Variants in SEPTIN9 observed in about 807,000 individuals in gnomAD.
The protein encoded by SEPTIN9 is septin 9.
A neutral mutation model predicts 56.6 loss-of-function variants in SEPTIN9; 13 were observed. The observed-to-expected ratio is 0.23, with a 90% CI of 0.15 to 0.37. The LOEUF is 0.37. Among genes scored for constraint, SEPTIN9 ranks in the 10% least tolerant of loss-of-function variants. The probability of loss-of-function intolerance (pLI) is 1.00; values close to 1 mark genes in which losing one functional copy is unlikely to be tolerated. For missense variants in SEPTIN9, 650 were observed against 823.1 expected, an observed-to-expected ratio of 0.79 and a Z score of 2.57; for synonymous variants, 332 against 334.1, an observed-to-expected ratio of 0.99 and a Z score of 0.07.
chr17:77,370,613 C>A (rs2034691284), intron 2 of SEPTIN9, among the ~76,000 whole-genome samples: 1 of 152,232 alleles, frequency 6.6e-6, no homozygotes, highest in African/African-American at 2.4e-5. Flanking sequence ...GTCTTGCCTT[C>A]TTTTGTGACC....
At chr17:77,311,228 C>G (rs533726526) in intron 2 of SEPTIN9, among the ~76,000 whole-genome samples, 4 of 148,870 alleles carry the variant, frequency 2.7e-5, no homozygotes, top group South Asian at 2.2e-4. Flanking sequence ...GGACCCCCCC[C>G]CCACCCCACC....
chr17:77,427,025 A>T (rs2144255544), intron 3 of SEPTIN9: 1 of 152,374 alleles, frequency 6.6e-6, no homozygotes, highest in South Asian at 2.1e-4. Flanking sequence ...AACTTAGCAG[A>T]CAGCTACAAG....
chr17:77,366,615 G>A (rs921706814), intron 2 of SEPTIN9, among the ~76,000 whole-genome samples: 2 of 152,170 alleles, frequency 1.3e-5, no homozygotes, highest in African/African-American at 4.8e-5. Flanking sequence ...TGTGTGTGCA[G>A]CCCCTGACCA....
rs546992695 is a variant in SEPTIN9, at chr17:77,457,151, G to A, written c.722-24993G>A. Among the ~76,000 whole-genome samples the A allele has an allele frequency of 3.9e-4, 59 of 152,286 alleles. No homozygotes were observed. The South Asian group carries it at 0.011, about 28-fold the overall frequency. Reference sequence around the variant, plus strand: ...CCCTGAAGCTCAGTGAGATGGGGACGGCTGCACAGGGCCCGGCACAGATGG... The same window carrying A: ...CCCTGAAGCTCAGTGAGATGGGGACAGCTGCACAGGGCCCGGCACAGATGG... On this transcript the variant is annotated intron_variant, in intron 3 of 11. Coordinates refer to ENST00000427177, the MANE Select transcript of SEPTIN9 (RefSeq NM_001113491.2).
At chr17:77,331,024 C>G (rs1469180479) in intron 2 of SEPTIN9, among the ~76,000 whole-genome samples, 1 of 152,170 alleles carries the variant, frequency 6.6e-6, no homozygotes, top group Non-Finnish European at 1.5e-5. Context: ...CTGCTGCTCA[C>G]AGAGGGATGG....
chr17:77,338,536 A>G (rs1455968423), intron 2 of SEPTIN9, among the ~76,000 whole-genome samples: 1 of 152,040 alleles, frequency 6.6e-6, no homozygotes, highest in Non-Finnish European at 1.5e-5. Context: ...CTCCTGCCTC[A>G]GCCTCCCGAG....
In SEPTIN9 at chr17:77,454,344, C is replaced by G. The variant is rs1312053457; in HGVS notation, c.722-27800C>G. 4 of 985,396 alleles carry G rather than the reference C, an allele frequency of 4.1e-6. No individual in the cohort carries two copies. In the East Asian group the frequency reaches 4.5e-4, roughly 112 times the overall value. The allele number at this position is 985,396 out of a possible 1,614,324, so 61.0% of individuals were successfully genotyped here. ...CGAGCTTTGATTTGTTTATTGAGTGCCAGCCCGGTTCCCGGACAGGTAGGG... is the reference window on the plus strand; with the variant it reads ...CGAGCTTTGATTTGTTTATTGAGTGGCAGCCCGGTTCCCGGACAGGTAGGG... On this transcript the variant is annotated intron_variant, in intron 3 of 11. Coordinates refer to ENST00000427177, the MANE Select transcript of SEPTIN9 (RefSeq NM_001113491.2).
In SEPTIN9 at chr17:77,373,637, A is replaced by T. The variant is rs927742828; in HGVS notation, c.77-28422A>T. ...CCTGGCGCGGGACGGGGGTGCGCTGAGGGGAGACGGGAGTGCGCTGAGGGG... is the reference window on the plus strand; with the variant it reads ...CCTGGCGCGGGACGGGGGTGCGCTGTGGGGAGACGGGAGTGCGCTGAGGGG... On this transcript the variant is annotated intron_variant, in intron 2 of 11. Coordinates refer to ENST00000427177, the MANE Select transcript of SEPTIN9 (RefSeq NM_001113491.2). 1.9e-5 allele frequency: 28 copies of T among 1,505,336 alleles called. No individual in the cohort carries two copies. In the Admixed American group the frequency reaches 5.8e-4, roughly 31 times the overall value. 93.2% of individuals were successfully genotyped at this position (1,505,336 alleles called of 1,614,324 possible).
chr17:77,466,726 G>A (rs978303160), intron 3 of SEPTIN9, among the ~76,000 whole-genome samples: 1 of 152,178 alleles, frequency 6.6e-6, no homozygotes, highest in African/African-American at 2.4e-5. Flanking sequence ...ATAAGAACAC[G>A]CTATTACTGC....
intron 2 of SEPTIN9, among the ~76,000 whole-genome samples, chr17:77,315,838 G>A (rs947094874): frequency 6.6e-6 from 1 of 152,174 alleles, no homozygotes; most frequent in Non-Finnish European, 1.5e-5. Flanking sequence ...AGGGGTCTAT[G>A]GGGGGTGAAG....
chr17:77,389,835 C>G lies in SEPTIN9; in HGVS notation c.77-12224C>G, dbSNP rs2035470053. 6.6e-6 allele frequency among the ~76,000 whole-genome samples: 1 copy of G among 152,252 alleles called. No homozygotes were observed. The highest frequency in any genetic ancestry group is 2.1e-4 in the South Asian group (1 of 4,828). On this transcript the variant is annotated intron_variant, in intron 2 of 11. Coordinates refer to ENST00000427177, the MANE Select transcript of SEPTIN9 (RefSeq NM_001113491.2). This position sits in a 1 kb window ranked among gnomAD's most constrained non-coding sequence, Gnocchi z 4.3. ...CTGCTCCTAGTGGAGCAGCCAGCAG[C>G]TGGTTTAGAACCCGGGGGTGGGGGG...
In SEPTIN9 at chr17:77,499,165, G is replaced by A; in HGVS notation, c.*507G>A. 1.9e-6 allele frequency: 1 copy of A among 537,912 alleles called. No homozygotes were observed. 33.3% of individuals were successfully genotyped at this position (537,912 alleles called of 1,614,324 possible). On this transcript the variant is annotated 3_prime_UTR_variant, in exon 12 of 12. Coordinates refer to ENST00000427177, the MANE Select transcript of SEPTIN9 (RefSeq NM_001113491.2). ...GGACCCCCTGCCCGCCACATGGTGT[G>A]GCCATCACTCAGCCCCTACCCCTGC...
chr17:77,465,190 C>T (rs537173626), intron 3 of SEPTIN9, among the ~76,000 whole-genome samples: 1 of 152,288 alleles, frequency 6.6e-6, no homozygotes, highest in East Asian at 1.9e-4. Flanking sequence ...TTTTCATGGC[C>T]GAATAATATT....
rs2035878570 is a variant in SEPTIN9 at position 77,400,970 on chromosome 17, G to A, written c.77-1089G>A. 6.6e-6 allele frequency among the ~76,000 whole-genome samples: 1 copy of A among 152,174 alleles called. No homozygotes were observed. Among genetic ancestry groups the A allele is most frequent in the Admixed American group, 6.5e-5 (1 of 15,280 alleles). ...TGGAGAGGCAGGATGGCTGCAGGGC[G>A]GGAGCTGGTGGTTGGCATCACTGCA... On this transcript the variant is annotated intron_variant, in intron 2 of 11. Coordinates refer to ENST00000427177, the MANE Select transcript of SEPTIN9 (RefSeq NM_001113491.2). The surrounding 1 kb of genome is among the most constrained non-coding windows in gnomAD (Gnocchi z 4.1).
At position 77,319,619 on chromosome 17, in the gene SEPTIN9, G is replaced by A. The variant is rs1299440130; in HGVS notation, c.76+12422G>A. ...TTCTCAGCACGCTGGCCTGGGGCAC[G>A]GCCGTTCCTCCTGCCCAGCCACGTT... On this transcript the variant is annotated intron_variant, in intron 2 of 11. Transcript: ENST00000427177. The surrounding 1 kb of genome is among the most constrained non-coding windows in gnomAD (Gnocchi z 5.3). 4.7e-6 allele frequency: 5 copies of A among 1,061,942 alleles called. No homozygotes were observed. The highest frequency in any genetic ancestry group is 4.6e-5 in the South Asian group (1 of 21,950). The allele number at this position is 1,061,942 out of a possible 1,614,324, so 65.8% of individuals were successfully genotyped here.
chr17:77,304,540 G>A (rs2032185083), intron 1 of SEPTIN9, among the ~76,000 whole-genome samples: 1 of 152,156 alleles, frequency 6.6e-6, no homozygotes. Flanking sequence ...GGGGGCAGAA[G>A]GCAGGGGTGG....
chr17:77,377,140 C>G (rs1485952292), intron 2 of SEPTIN9: 1 of 152,174 alleles, frequency 6.6e-6, no homozygotes, highest in Non-Finnish European at 1.5e-5. Context: ...TGGAGGCCGC[C>G]ACGTAGCAGC....
At chr17:77,392,726 TCTGG>T (rs1296162919) in intron 2 of SEPTIN9, among the ~76,000 whole-genome samples, 1 of 152,096 alleles carries the variant, frequency 6.6e-6, no homozygotes, top group African/African-American at 2.4e-5. Flanking sequence ...GTTTGAACTA[TCTGG>T]CTGCGGCTCT....
intron 2 of SEPTIN9, among the ~76,000 whole-genome samples, chr17:77,347,515 CGAT>C (rs2033927074): frequency 6.6e-6 from 1 of 151,864 alleles, no homozygotes; most frequent in Non-Finnish European, 1.5e-5. Context: ...AATGGTGTCT[CGAT>C]GAACTGATCA....
Sources: gnomAD v4.1 joint callset for allele counts (sites outside exome capture counted in the v4.1 genomes callset) on GRCh38, gnomAD v4.1.1 for gene constraint, Gnocchi (gnomAD v3.1) non-coding constraint, MANE v1.5 for transcripts, NCBI Gene and HGNC (gene_info 2026-07-23, HGNC 2026-07-21) for gene names.